OR1J2: variants seen among roughly 807,000 people sequenced by gnomAD.
The protein encoded by OR1J2 is olfactory receptor 1J2.
For missense variants in OR1J2, 304 were observed against 246.1 expected (o/e 1.24, Z -1.57); for synonymous variants, 142 against 99.7 (o/e 1.42, Z -2.52).
At chr9:122,563,825 A>T in the OR1J2 span, among the ~76,000 whole-genome samples, 1 of 152,110 alleles carries the variant, frequency 6.6e-6, no homozygotes, top group African/African-American at 2.4e-5. Context: ...ATTCTTTTGC[A>T]TACACATATT....
At chr9:122,532,665 G>C in the OR1J2 span, among the ~76,000 whole-genome samples, 1 of 151,258 alleles carries the variant, frequency 6.6e-6, no homozygotes, top group South Asian at 2.1e-4. Flanking sequence ...TGTAGAGAGT[G>C]AGTTGAGCAT....
chr9:122,550,415 T>C, the OR1J2 span, among the ~76,000 whole-genome samples: 74,378 of 151,942 alleles, frequency 0.49, 19,541 homozygotes, highest in East Asian at 0.87. Flanking sequence ...AGGTATCACC[T>C]GGATATCAAA....
At chr9:122,560,422 A>G in the OR1J2 span, among the ~76,000 whole-genome samples, 2 of 152,082 alleles carry the variant, frequency 1.3e-5, no homozygotes, top group East Asian at 1.9e-4. Flanking sequence ...TCTTCATAGT[A>G]TCGTTGGTCT....
At chr9:122,463,786 G>A in the OR1J2 span, among the ~76,000 whole-genome samples, 1 of 152,120 alleles carries the variant, frequency 6.6e-6, no homozygotes. Context: ...CCCTCTTCAG[G>A]TCTCTCCGCC....
At chr9:122,560,926 A>T in the OR1J2 span, among the ~76,000 whole-genome samples, 1 of 152,206 alleles carries the variant, frequency 6.6e-6, no homozygotes, top group South Asian at 2.1e-4. Context: ...TGTGTTTTCC[A>T]TCTTGGTTCC....
At chr9:122,567,654 G>A in the OR1J2 span, 1 of 1,614,084 alleles carries the variant, frequency 6.2e-7, no homozygotes, top group East Asian at 2.2e-5. Context: ...GTAAACAATT[G>A]TTGCCACGTG....
chr9:122,554,071 C>A, the OR1J2 span: 2 of 1,613,230 alleles, frequency 1.2e-6, no homozygotes, highest in African/African-American at 2.7e-5. Context: ...ATTATTCCCA[C>A]GCTAAACCCA....
the OR1J2 span, among the ~76,000 whole-genome samples, chr9:122,574,374 T>C: frequency 6.6e-6 from 1 of 152,198 alleles, no homozygotes; most frequent in African/African-American, 2.4e-5. Context: ...TCTTTCATCA[T>C]GGTTTTGTGG....
the OR1J2 span, among the ~76,000 whole-genome samples, chr9:122,531,864 T>C: frequency 8.5e-5 from 13 of 152,282 alleles, no homozygotes; most frequent in Admixed American, 3.9e-4. Flanking sequence ...GTGGCCTTCT[T>C]AGAACCTGTG....
the OR1J2 span, among the ~76,000 whole-genome samples, chr9:122,479,462 A>G: frequency 6.6e-6 from 1 of 152,212 alleles, no homozygotes; most frequent in Non-Finnish European, 1.5e-5. Context: ...TTCCTGCTTG[A>G]TCTTGAAATA....
At chr9:122,458,217 C>T in the OR1J2 span, among the ~76,000 whole-genome samples, 3 of 152,074 alleles carry the variant, frequency 2.0e-5, no homozygotes, top group Admixed American at 2.0e-4. Flanking sequence ...ATGTTATTCC[C>T]TTGTCTTTTG....
At chr9:122,570,921 T>G in the OR1J2 span, among the ~76,000 whole-genome samples, 8 of 152,322 alleles carry the variant, frequency 5.3e-5, no homozygotes, top group African/African-American at 1.9e-4. Context: ...TGTTGCCATT[T>G]TTACATACAG....
upstream of OR1J2, among the ~76,000 whole-genome samples, chr9:122,508,215 G>A (rs534781072): frequency 6.6e-6 from 1 of 151,732 alleles, no homozygotes; most frequent in East Asian, 1.9e-4. Context: ...GAAGGAGGAG[G>A]AGGAGGAAAA....
At chr9:122,554,254 G>A in the OR1J2 span, 1 of 996,802 alleles carries the variant, frequency 1.0e-6, no homozygotes, top group Non-Finnish European at 1.5e-6. Context: ...TTGATATTAG[G>A]GGAAGGTTAT....
the OR1J2 span, among the ~76,000 whole-genome samples, chr9:122,462,245 CTTTTGGTGTCCATTTGCATGGAATAGCT>C: frequency 6.6e-6 from 1 of 152,062 alleles, no homozygotes; most frequent in Non-Finnish European, 1.5e-5. Flanking sequence ...CTCTTGCTTG[CTTTTGGTGTCCATTTGCATGGAATAGCT>C]TTTTCCATCC....
At chr9:122,580,244 A>G in the OR1J2 span, among the ~76,000 whole-genome samples, 1 of 152,226 alleles carries the variant, frequency 6.6e-6, no homozygotes, top group African/African-American at 2.4e-5. Flanking sequence ...ACGTCATTTC[A>G]ATATTTTAAA....
At chr9:122,472,437 C>A in the OR1J2 span, among the ~76,000 whole-genome samples, 1 of 152,208 alleles carries the variant, frequency 6.6e-6, no homozygotes, top group Non-Finnish European at 1.5e-5. Flanking sequence ...ACTCTTAAGA[C>A]CCAACTGGCA....
the OR1J2 span, chr9:122,449,109 C>T: frequency 1.3e-5 from 2 of 151,408 alleles, no homozygotes; most frequent in Non-Finnish European, 2.9e-5. Flanking sequence ...TGAGACACAA[C>T]AGGCTTCACC....
the OR1J2 span, chr9:122,568,470 C>G: frequency 3.2e-6 from 5 of 1,570,970 alleles, no homozygotes; most frequent in African/African-American, 6.8e-5. Flanking sequence ...GTGGTTGATT[C>G]TTTCCATTGA....
Sources: gnomAD v4.1 joint callset for allele counts (sites outside exome capture counted in the v4.1 genomes callset) on GRCh38, gnomAD v4.1.1 for gene constraint, MANE v1.5 for transcripts, NCBI Gene and HGNC (gene_info 2026-07-23, HGNC 2026-07-21) for gene names.